Variants in TMEM132B observed in about 807,000 individuals in gnomAD.
TMEM132B encodes transmembrane protein 132B.
A neutral mutation model predicts 90.8 loss-of-function variants in TMEM132B; 18 were observed. The ratio of observed to expected loss-of-function variants is 0.20; its 90% confidence interval spans 0.14 to 0.29. TMEM132B has a LOEUF of 0.29. Ranked by LOEUF, TMEM132B falls within the 10% of genes least tolerant of loss-of-function variation. TMEM132B has a pLI of 1.00. For synonymous variants in TMEM132B, 504 were observed against 523.3 expected, an observed-to-expected ratio of 0.96 and a Z score of 0.50; for missense variants, 1,096 against 1,326.8, an observed-to-expected ratio of 0.83 and a Z score of 2.70.
chr12:125,545,734 A>C (rs551798997), intron 4 of TMEM132B, among the ~76,000 whole-genome samples: 1 of 152,308 alleles, frequency 6.6e-6, no homozygotes, highest in East Asian at 1.9e-4. Flanking sequence ...CTAGGAGTGA[A>C]ATCCTCAAAA....
intron 3 of TMEM132B, among the ~76,000 whole-genome samples, chr12:125,431,555 G>A (rs1375668463): frequency 7.1e-6 from 1 of 141,160 alleles, no homozygotes; most frequent in African/African-American, 2.8e-5. Flanking sequence ...GGATGTCTCA[G>A]TATAAATAAA....
chr12:125,429,522 G>T (rs1288094689), intron 3 of TMEM132B, among the ~76,000 whole-genome samples: 3 of 152,008 alleles, frequency 2.0e-5, no homozygotes, highest in African/African-American at 7.3e-5. Context: ...TCCTCTTTCT[G>T]TTCTAGGATC....
chr12:125,496,401 T>G (rs957200848), intron 3 of TMEM132B, among the ~76,000 whole-genome samples: 1 of 152,190 alleles, frequency 6.6e-6, no homozygotes, highest in Non-Finnish European at 1.5e-5. Context: ...AAATGCCAGT[T>G]AAGTCACCAC....
intron 1 of TMEM132B, among the ~76,000 whole-genome samples, chr12:125,228,233 A>T (rs1406875034): frequency 6.6e-6 from 1 of 152,114 alleles, no homozygotes; most frequent in African/African-American, 2.4e-5. Flanking sequence ...GTGAGGCCTC[A>T]ATGAGCTCGG....
chr12:125,265,992 G>C (rs889948507), intron 1 of TMEM132B, among the ~76,000 whole-genome samples: 9 of 152,102 alleles, frequency 5.9e-5, no homozygotes, highest in Non-Finnish European at 1.3e-4. Flanking sequence ...ACTTTGGGTG[G>C]CCGAGGCAGG....
At chr12:125,550,859 A>T (rs994872421) in intron 4 of TMEM132B, among the ~76,000 whole-genome samples, 2 of 152,048 alleles carry the variant, frequency 1.3e-5, no homozygotes, top group Non-Finnish European at 2.9e-5. Context: ...GCTCACTGCA[A>T]GATCTGCAGT....
chr12:125,214,707 C>T (rs1466253919), intron 1 of TMEM132B, among the ~76,000 whole-genome samples: 1 of 152,240 alleles, frequency 6.6e-6, no homozygotes, highest in Non-Finnish European at 1.5e-5. Flanking sequence ...AGAAGATGAG[C>T]TGGATATTTC....
In TMEM132B at chr12:125,660,553, A is replaced by C. The variant is rs1253726757; in HGVS notation, c.*5843A>C. 2.0e-5 allele frequency: 3 copies of C among 148,526 alleles called. No individual in the cohort carries two copies. The highest frequency in any genetic ancestry group is 4.4e-5 in the Non-Finnish European group (3 of 67,676). 9.2% of individuals were successfully genotyped at this position (148,526 alleles called of 1,614,324 possible). On this transcript the variant is annotated 3_prime_UTR_variant, in exon 9 of 9. Coordinates refer to ENST00000682704, the MANE Select transcript of TMEM132B (RefSeq NM_001366854.1). ...TTTGCTTTTAGAAATTTTTAAAAATACAAAAAAAAAGCGCAGAAACATTTT... is the reference window on the plus strand; with the variant it reads ...TTTGCTTTTAGAAATTTTTAAAAATCCAAAAAAAAAGCGCAGAAACATTTT...
chr12:125,250,175 G>C (rs994702299), intron 1 of TMEM132B, among the ~76,000 whole-genome samples: 1 of 152,242 alleles, frequency 6.6e-6, no homozygotes, highest in Admixed American at 6.5e-5. Context: ...CATTGTGGGG[G>C]GATCTGGGCG....
intron 4 of TMEM132B, among the ~76,000 whole-genome samples, chr12:125,578,005 G>C (rs551340962): frequency 5.9e-5 from 9 of 152,030 alleles, no homozygotes; most frequent in African/African-American, 2.2e-4. Flanking sequence ...GTTGAGACTT[G>C]TTTAATGGCC....
chr12:125,520,590 C>T (rs1883283597), intron 4 of TMEM132B, among the ~76,000 whole-genome samples: 1 of 152,202 alleles, frequency 6.6e-6, no homozygotes, highest in South Asian at 2.1e-4. Flanking sequence ...TTTTCCCCAC[C>T]TCAACTGTTA....
intron 2 of TMEM132B, among the ~76,000 whole-genome samples, chr12:125,360,791 T>C (rs1210473089): frequency 6.6e-6 from 1 of 151,380 alleles, no homozygotes; most frequent in Non-Finnish European, 1.5e-5. Context: ...GGTGTGTGGG[T>C]AGGGCAGTAT....
intron 4 of TMEM132B, among the ~76,000 whole-genome samples, chr12:125,550,019 GC>G (rs1266304582): frequency 6.6e-6 from 1 of 152,192 alleles, no homozygotes; most frequent in African/African-American, 2.4e-5. Context: ...GCAGTACTGG[GC>G]CTTTCCAGCA....
intron 4 of TMEM132B, among the ~76,000 whole-genome samples, chr12:125,527,042 C>T (rs1592975139): frequency 6.6e-6 from 1 of 150,438 alleles, no homozygotes; most frequent in Non-Finnish European, 1.5e-5. Flanking sequence ...TTCCATCCAC[C>T]CATCCACCCT....
chr12:125,563,146 C>CATAATAATAATAATA (rs759147385), intron 4 of TMEM132B, among the ~76,000 whole-genome samples: 31 of 92,540 alleles, frequency 3.3e-4, no homozygotes, highest in African/African-American at 9.7e-4. Flanking sequence ...CACCATAATG[C>CATAATAATAATAATA]GTAATAATAA....
intron 1 of TMEM132B, among the ~76,000 whole-genome samples, chr12:125,243,586 G>A (rs1476809692): frequency 3.3e-5 from 5 of 152,194 alleles, no homozygotes; most frequent in African/African-American, 1.2e-4. Flanking sequence ...GACTACAGGC[G>A]TGAGCCACTG....
At chr12:125,324,896 G>T (rs73233377) in intron 1 of TMEM132B, among the ~76,000 whole-genome samples, 6 of 152,280 alleles carry the variant, frequency 3.9e-5, no homozygotes, top group Non-Finnish European at 5.9e-5. Flanking sequence ...AGCTGTGGAC[G>T]TGGCAATCTC....
rs141967808 is a variant in TMEM132B at position 125,356,147 on chromosome 12, T to C, written c.959+5804T>C. On this transcript the variant is annotated intron_variant, in intron 2 of 8. Transcript: ENST00000682704. ...GAGAGGTCCTGGGAAGCTTTATCTC[T>C]GATTTATTAAAATAGGGTTTTCTCA... Among the ~76,000 whole-genome samples, 618 of 152,322 alleles carry C rather than the reference T, an allele frequency of 4.1e-3. 5 individuals are homozygous for C. The highest frequency in any genetic ancestry group is 0.014 in the African/African-American group (577 of 41,570).
intron 4 of TMEM132B, among the ~76,000 whole-genome samples, chr12:125,527,765 A>G (rs911214780): frequency 1.3e-5 from 2 of 152,014 alleles, no homozygotes; most frequent in East Asian, 1.9e-4. Context: ...TCCACCTTCC[A>G]TCTACGCATC....
Sources: gnomAD v4.1 joint callset for allele counts (sites outside exome capture counted in the v4.1 genomes callset) on GRCh38, gnomAD v4.1.1 for gene constraint, MANE v1.5 for transcripts, NCBI Gene and HGNC (gene_info 2026-07-23, HGNC 2026-07-21) for gene names.